FAM210A: variants seen among roughly 807,000 people sequenced by gnomAD.
FAM210A encodes the protein mitochondrial inner membrane scaffold 1, also known as family with sequence similarity 210 member A.
FAM210A carries 13 observed loss-of-function variants against 25.3 expected under a neutral mutation model. The observed-to-expected ratio is 0.51, with a 90% CI of 0.33 to 0.82. The LOEUF (loss-of-function observed/expected upper bound fraction) is 0.82. Among genes scored for constraint, FAM210A ranks in the 40% least tolerant of loss-of-function variants. FAM210A has a pLI of 0.02. For synonymous variants in FAM210A, 125 were observed against 118.7 expected (o/e 1.05, Z -0.35); for missense variants, 319 against 323.2 (o/e 0.99, Z 0.10).
chr18:13,682,058 C>A lies in FAM210A; in HGVS notation c.20G>T (p.Arg7Leu). The A allele has an allele frequency of 6.2e-7, 1 of 1,600,130 alleles. No individual in the cohort carries two copies. Residue 7 changes from arginine to leucine, a missense_variant, in exon 2 of 4, where the codon CGG (arginine) becomes CTG (leucine). Physicochemically the swap from Arg to Leu is moderately radical, Grantham distance 102. Transcript: ENST00000651643. MQWNVP[R>L]TVSRLARRTC... Reference sequence around the variant, plus strand: ...CCTGCGTGCCAGTCGAGATACAGTCCGTGGTACATTCCATTGCATTTTGAA... The same window carrying A: ...CCTGCGTGCCAGTCGAGATACAGTCAGTGGTACATTCCATTGCATTTTGAA...
Sources: allele counts gnomAD v4.1 joint callset, GRCh38; gene constraint gnomAD v4.1.1; transcripts MANE v1.5; gene names NCBI Gene and HGNC (gene_info 2026-07-23, HGNC 2026-07-21).